POLR2B: variants seen among roughly 807,000 people sequenced by gnomAD.
The protein encoded by POLR2B is RNA polymerase II subunit B, also known as DNA-directed RNA polymerase II subunit RPB2.
In POLR2B, 57 loss-of-function variants were observed where a neutral mutation model predicts 144.6. The observed-to-expected ratio is 0.39, with a 90% CI of 0.32 to 0.49. The LOEUF (loss-of-function observed/expected upper bound fraction) is 0.49. POLR2B is among the 20% of genes least tolerant of loss of function. POLR2B has a pLI of 0.83. For synonymous variants in POLR2B, 442 were observed against 469.8 expected, an observed-to-expected ratio of 0.94 and a Z score of 0.77; for missense variants, 595 against 1,467.4, an observed-to-expected ratio of 0.41 and a Z score of 9.71.
chr4:56,987,554 G>C (rs1420698821), intron 2 of POLR2B, among the ~76,000 whole-genome samples: 2 of 152,156 alleles, frequency 1.3e-5, no homozygotes, highest in African/African-American at 4.8e-5. Context: ...CATTCTGCCA[G>C]TTGTATTCAG....
At chr4:57,002,526 A>G (rs944360324) in intron 7 of POLR2B, among the ~76,000 whole-genome samples, 7 of 151,736 alleles carry the variant, frequency 4.6e-5, no homozygotes, top group African/African-American at 1.2e-4. Flanking sequence ...CCTTTTTTCT[A>G]ATCTATATTT....
rs1010313334 is a variant in POLR2B, at chr4:57,015,627, A to G, written c.1926A>G (p.Gln642=). The part of the protein sequence containing the change: ...KLLLKKRHID[Q]LKEREYNNYS... ...TTTTGAAGAAGAGGCATATTGACCAATTGAAAGAGAGAGAATATAACAACT... is the reference window on the plus strand; with the variant it reads ...TTTTGAAGAAGAGGCATATTGACCAGTTGAAAGAGAGAGAATATAACAACT... Residue 642 remains glutamine (Q), a synonymous_variant, in exon 14 of 25, where the codon CAA becomes CAG. Transcript: ENST00000314595. The G allele has an allele frequency of 2.7e-6, 4 of 1,483,836 alleles. No homozygotes were observed. The East Asian group carries it at 9.6e-5, about 36-fold the overall frequency. 91.9% of individuals were successfully genotyped at this position (1,483,836 alleles called of 1,614,324 possible).
chr4:57,021,442 GC>G (rs1560483829), intron 17 of POLR2B, among the ~76,000 whole-genome samples: 1 of 150,294 alleles, frequency 6.7e-6, no homozygotes, highest in African/African-American at 2.4e-5. Flanking sequence ...TCAAAGGGTA[GC>G]ACTAGAACTC....
chr4:57,013,070 A>T (rs1374872600), intron 13 of POLR2B, among the ~76,000 whole-genome samples: 1 of 151,944 alleles, frequency 6.6e-6, no homozygotes, highest in Non-Finnish European at 1.5e-5. Context: ...CGAACTCCTG[A>T]CCTCAGGTGA....
chr4:56,994,772 G>A lies in POLR2B; in HGVS notation c.482G>A (p.Cys161Tyr). Residue 161 changes from cysteine to tyrosine, a missense_variant, in exon 5 of 25, where the codon TGC becomes TAC. By Grantham distance (194) the Cys-to-Tyr change is radical (BLOSUM62 -2). Transcript: ENST00000314595. The part of the protein sequence containing the change: ...KIPIMLRSTY[C>Y]LLNGLTDRDL... ...CCAATTATGTTGCGGTCAACTTACTGCCTTTTGAATGGCTTGACAGATCGT... is the reference window on the plus strand; with the variant it reads ...CCAATTATGTTGCGGTCAACTTACTACCTTTTGAATGGCTTGACAGATCGT... 6.2e-7 allele frequency: 1 copy of A among 1,613,736 alleles called. No individual in the cohort carries two copies. The highest frequency in any genetic ancestry group is 8.5e-7 in the Non-Finnish European group (1 of 1,179,726).
intron 6 of POLR2B, among the ~76,000 whole-genome samples, chr4:56,997,402 A>G (rs1722722826): frequency 6.6e-6 from 1 of 152,024 alleles, no homozygotes; most frequent in Non-Finnish European, 1.5e-5. Flanking sequence ...GATTATAGGC[A>G]TGCTCCACCA....
chr4:57,013,953 A>G (rs1723282571), intron 13 of POLR2B, among the ~76,000 whole-genome samples: 2 of 151,158 alleles, frequency 1.3e-5, no homozygotes, highest in Admixed American at 6.6e-5. Flanking sequence ...TTATATTAAA[A>G]AAAAAAAAAA....
intron 1 of POLR2B, among the ~76,000 whole-genome samples, chr4:56,982,117 A>G (rs1578551972): frequency 6.6e-6 from 1 of 152,094 alleles, no homozygotes; most frequent in Non-Finnish European, 1.5e-5. Flanking sequence ...GAATGTGTAT[A>G]CTTCTAGTTT....
Position 57,022,139 on chromosome 4 carries a change from C to G in POLR2B, c.2421-13C>G, listed in dbSNP as rs767127116. 1 of 1,490,586 alleles carries G rather than the reference C, an allele frequency of 6.7e-7. No individual in the cohort carries two copies. The highest frequency in any genetic ancestry group is 1.2e-5 in the South Asian group (1 of 86,562). 92.3% of individuals were successfully genotyped at this position (1,490,586 alleles called of 1,614,324 possible). A position where few individuals can be genotyped will look rare whatever the true frequency, so the allele number is the denominator to read the frequency against. On this transcript the variant is annotated splice_polypyrimidine_tract_variant and intron_variant, in intron 17 of 24. Transcript: ENST00000314595. ...AGAAAATAGACTTTACCTTTAGAAC[C>G]ATGTGTTTTTAGGTCTGTTTTCTAT... is the stretch of plus-strand genomic sequence containing the variant.
chr4:57,025,305 AATAT>A, intron 22 of POLR2B, 68 bp from the exon 23 acceptor site: 1 of 1,055,978 alleles, frequency 9.5e-7, no homozygotes, highest in Non-Finnish European at 1.5e-6. Context: ...GGAGTAACAC[AATAT>A]ATACACATAT....
At chr4:56,979,041 A>C (rs1016173574) in intron 1 of POLR2B, 37 bp downstream of exon 1, 17 of 1,608,606 alleles carry the variant, frequency 1.1e-5, no homozygotes, top group Non-Finnish European at 1.4e-5. Context: ...GTGGCGGTCC[A>C]TTTAAGCAGG....
intron 3 of POLR2B, among the ~76,000 whole-genome samples, chr4:56,992,770 G>A (rs1358059468): frequency 6.6e-6 from 1 of 151,300 alleles, no homozygotes; most frequent in African/African-American, 2.4e-5. Context: ...TGCCGTATTA[G>A]CCAGGATGGT....
chr4:57,028,098 C>G (rs572718102), intron 23 of POLR2B, among the ~76,000 whole-genome samples: 6 of 152,144 alleles, frequency 3.9e-5, no homozygotes, highest in African/African-American at 1.2e-4. Context: ...TCTACAACAT[C>G]GTCAACTTAA....
intron 3 of POLR2B, among the ~76,000 whole-genome samples, chr4:56,991,584 G>A (rs1478611460): frequency 1.3e-5 from 2 of 152,024 alleles, no homozygotes; most frequent in African/African-American, 2.4e-5. Flanking sequence ...GCTAGACACA[G>A]GGAGAGTTCA....
At chr4:57,025,298 G>T in intron 22 of POLR2B, 79 bp from the exon 23 acceptor site, 1 of 989,448 alleles carries the variant, frequency 1.0e-6, no homozygotes, top group Non-Finnish European at 1.6e-6. Flanking sequence ...TATAAATGGA[G>T]TAACACAATA....
chr4:57,015,714 C>A, intron 14 of POLR2B, 58 bp downstream of exon 14: 1 of 720,844 alleles, frequency 1.4e-6, no homozygotes, highest in Non-Finnish European at 2.1e-6. Flanking sequence ...AATTTACATA[C>A]TGTAAAATTA....
At chr4:56,981,866 A>G (rs1366602716) in intron 1 of POLR2B, among the ~76,000 whole-genome samples, 5 of 152,234 alleles carry the variant, frequency 3.3e-5, no homozygotes, top group Non-Finnish European at 7.3e-5. Flanking sequence ...AGATAGCTCT[A>G]AGATTGACAG....
At chr4:56,993,260 G>A (rs752694055) in intron 3 of POLR2B, among the ~76,000 whole-genome samples, 21 of 152,076 alleles carry the variant, frequency 1.4e-4, no homozygotes, top group African/African-American at 3.1e-4. Context: ...CCGAGATCAC[G>A]CCACTGCACT....
rs1358117983 is a variant in POLR2B, at chr4:57,014,576, C to T, written c.1801-926C>T. Among the ~76,000 whole-genome samples, 3 of 143,592 alleles carry T rather than the reference C, an allele frequency of 2.1e-5. No individual in the cohort carries two copies. In the South Asian group the frequency reaches 6.7e-4, roughly 32 times the overall value. 94.2% of individuals were successfully genotyped at this position (143,592 alleles called of 152,430 possible). The stretch of plus-strand genomic sequence containing the variant: ...GGAGTGCAGTGGCGTGATCTAGGCT[C>T]ACTGCAAGCTCTGCCTCCCGGGTTC... On this transcript the variant is annotated intron_variant, in intron 13 of 24. Transcript: ENST00000314595.
Sources: allele counts gnomAD v4.1 joint callset (sites outside exome capture counted in the v4.1 genomes callset), GRCh38; gene constraint gnomAD v4.1.1; transcripts MANE v1.5; gene names NCBI Gene and HGNC (gene_info 2026-07-23, HGNC 2026-07-21).